EFCAB11: variants seen among roughly 807,000 people sequenced by gnomAD.
The protein encoded by EFCAB11 is EF-hand calcium-binding domain-containing protein 11.
A neutral mutation model predicts 23.0 loss-of-function variants in EFCAB11; 14 were observed. The ratio of observed to expected loss-of-function variants is 0.61; its 90% CI spans 0.40 to 0.95. The LOEUF is 0.95. Among genes scored for constraint, EFCAB11 ranks in the 40% least tolerant of loss-of-function variants. The pLI is 0.00. For synonymous variants in EFCAB11, 65 were observed against 66.6 expected, an observed-to-expected ratio of 0.98 and a Z score of 0.11; for missense variants, 198 against 195.8, an observed-to-expected ratio of 1.01 and a Z score of -0.07.
chr14:89,870,052 G>A (rs1888217642), intron 5 of EFCAB11, among the ~76,000 whole-genome samples: 1 of 152,202 alleles, frequency 6.6e-6, no homozygotes, highest in Non-Finnish European at 1.5e-5. Flanking sequence ...AAATATGATG[G>A]CTTCTTCATT....
chr14:89,820,377 T>C (rs796173330), intron 5 of EFCAB11, among the ~76,000 whole-genome samples: 9 of 152,080 alleles, frequency 5.9e-5, no homozygotes, highest in African/African-American at 2.2e-4. Flanking sequence ...AAAATATTCA[T>C]CATTTGCCTT....
chr14:89,917,150 A>C (rs1479282641), intron 5 of EFCAB11, among the ~76,000 whole-genome samples: 2 of 151,834 alleles, frequency 1.3e-5, no homozygotes, highest in African/African-American at 4.8e-5. Context: ...TCTGAAGTAC[A>C]CAACACATTA....
At chr14:89,820,376 A>G (rs4904624) in intron 5 of EFCAB11, among the ~76,000 whole-genome samples, 43,092 of 151,914 alleles carry the variant, frequency 0.28, 7,076 homozygotes, top group East Asian at 0.6. Context: ...CAAAATATTC[A>G]TCATTTGCCT....
intron 3 of EFCAB11, among the ~76,000 whole-genome samples, chr14:89,941,519 G>A (rs1255543198): frequency 2.0e-5 from 3 of 151,700 alleles, no homozygotes; most frequent in Non-Finnish European, 4.4e-5. Context: ...TGCCACTCTG[G>A]GCAAATTATT....
At chr14:89,932,667 T>C in intron 3 of EFCAB11, 40 bp from the exon 4 acceptor site, 1 of 1,478,838 alleles carries the variant, frequency 6.8e-7, no homozygotes, top group Non-Finnish European at 9.4e-7. Flanking sequence ...AAGATTATTG[T>C]CTTCCTCTTT....
chr14:89,886,389 G>A (rs1173815256), intron 5 of EFCAB11, among the ~76,000 whole-genome samples: 2 of 151,752 alleles, frequency 1.3e-5, no homozygotes, highest in Non-Finnish European at 2.9e-5. Context: ...GTGGTGGCGG[G>A]TGCCTGTAGT....
intron 5 of EFCAB11, among the ~76,000 whole-genome samples, chr14:89,891,965 G>T (rs1888984004): frequency 1.3e-5 from 2 of 152,144 alleles, no homozygotes; most frequent in African/African-American, 4.8e-5. Flanking sequence ...GCAGCTGCGG[G>T]CTGGGCCGCG....
intron 5 of EFCAB11, among the ~76,000 whole-genome samples, chr14:89,852,710 C>T (rs2140140938): frequency 6.6e-6 from 1 of 152,296 alleles, no homozygotes; most frequent in East Asian, 1.9e-4. Flanking sequence ...CAATCTTTAA[C>T]AGCTATTTTA....
At chr14:89,858,219 G>A (rs1190846451) in intron 5 of EFCAB11, among the ~76,000 whole-genome samples, 1 of 152,206 alleles carries the variant, frequency 6.6e-6, no homozygotes, top group African/African-American at 2.4e-5. Context: ...CATGTGGTAA[G>A]AAACTGAGGC....
chr14:89,940,493 C>A (rs1890752710), intron 3 of EFCAB11, among the ~76,000 whole-genome samples: 1 of 152,164 alleles, frequency 6.6e-6, no homozygotes, highest in Non-Finnish European at 1.5e-5. Flanking sequence ...GCCAACTGAC[C>A]ATTAACCTAC....
intron 3 of EFCAB11, among the ~76,000 whole-genome samples, chr14:89,942,154 T>C (rs1241978424): frequency 6.6e-6 from 1 of 152,224 alleles, no homozygotes; most frequent in East Asian, 1.9e-4. Context: ...CTGTTAAGTC[T>C]GTGGAACTGT....
chr14:89,913,273 G>A (rs999378617), intron 5 of EFCAB11, among the ~76,000 whole-genome samples: 1 of 152,180 alleles, frequency 6.6e-6, no homozygotes, highest in Non-Finnish European at 1.5e-5. Flanking sequence ...TAACAGGGCG[G>A]ACATGATACT....
At chr14:89,828,778 T>C (rs1282726305) in intron 5 of EFCAB11, among the ~76,000 whole-genome samples, 2 of 152,192 alleles carry the variant, frequency 1.3e-5, no homozygotes, top group Non-Finnish European at 2.9e-5. Flanking sequence ...TAAGAAGCAG[T>C]TCAGCTTGCC....
Position 89,796,356 on chromosome 14 carries a change from G to C in EFCAB11, c.*887C>G, listed in dbSNP as rs1885574809. 1 of 152,152 alleles carries C rather than the reference G, an allele frequency of 6.6e-6. No homozygotes were observed. The highest frequency in any genetic ancestry group is 1.5e-5 in the Non-Finnish European group (1 of 68,052). 9.4% of individuals were successfully genotyped at this position (152,152 alleles called of 1,614,324 possible). On this transcript the variant is annotated 3_prime_UTR_variant, in exon 6 of 6. Transcript: ENST00000316738. ...GGGTCTTGCTCTATCATCCAGGCTG[G>C]AGTGCGACAGTGCAATCATGGCTCA...
intron 5 of EFCAB11, among the ~76,000 whole-genome samples, chr14:89,929,390 A>T (rs1566815602): frequency 6.6e-6 from 1 of 151,914 alleles, no homozygotes; most frequent in Non-Finnish European, 1.5e-5. Context: ...AATCACCACA[A>T]CTTTACAGAT....
intron 5 of EFCAB11, among the ~76,000 whole-genome samples, chr14:89,824,443 T>C (rs1328417776): frequency 6.6e-6 from 1 of 151,742 alleles, no homozygotes; most frequent in Non-Finnish European, 1.5e-5. Flanking sequence ...GAAAGAAAAG[T>C]ACTGGAAATA....
chr14:89,909,986 T>G (rs1024789010), intron 5 of EFCAB11, among the ~76,000 whole-genome samples: 1 of 152,168 alleles, frequency 6.6e-6, no homozygotes, highest in African/African-American at 2.4e-5. Context: ...TTCTTCTCCA[T>G]AGTACTTTGT....
chr14:89,814,086 CCT>C (rs1886244795), intron 5 of EFCAB11, among the ~76,000 whole-genome samples: 2 of 85,968 alleles, frequency 2.3e-5, no homozygotes, highest in Non-Finnish European at 7.0e-5. Flanking sequence ...AAAAAACTAA[CCT>C]TTTTTTTTTT....
intron 5 of EFCAB11, among the ~76,000 whole-genome samples, chr14:89,832,646 A>T (rs957174058): frequency 2.0e-5 from 3 of 152,220 alleles, no homozygotes; most frequent in Non-Finnish European, 4.4e-5. Flanking sequence ...AACCTACTGA[A>T]CATCATAGTT....
Sources: gnomAD v4.1 joint callset for allele counts (sites outside exome capture counted in the v4.1 genomes callset) on GRCh38, gnomAD v4.1.1 for gene constraint, MANE v1.5 for transcripts, NCBI Gene and HGNC (gene_info 2026-07-23, HGNC 2026-07-21) for gene names.